NALCN: variants seen among roughly 807,000 people sequenced by gnomAD.
NALCN encodes the protein sodium leak channel, non-selective.
NALCN carries 111 observed loss-of-function variants against 225.3 expected under a neutral mutation model. The ratio of observed to expected loss-of-function variants is 0.49; its 90% confidence interval spans 0.42 to 0.58. NALCN has a LOEUF of 0.58. Among genes scored for constraint, NALCN ranks in the 20% least tolerant of loss-of-function variants. The pLI, the probability that NALCN is intolerant of heterozygous loss-of-function variation, is 0.00. For synonymous variants in NALCN, 764 were observed against 769.0 expected (o/e 0.99, Z 0.11); for missense variants, 1,378 against 2,202.4 (o/e 0.63, Z 7.49).
Position 101,292,965 on chromosome 13 carries a change from T to C in NALCN, c.800-599A>G, listed in dbSNP as rs997424082. ...AGAATTACCTCATAGAAAGTACTTC[T>C]AGTAATGGAAAGAAAGGAAAGCTAA... On this transcript the variant is annotated intron_variant, in intron 7 of 43. Coordinates refer to ENST00000251127, the MANE Select transcript of NALCN (RefSeq NM_052867.4). The surrounding 1 kb of genome is among the most constrained non-coding windows in gnomAD (Gnocchi z 4.3). 2.0e-5 allele frequency among the ~76,000 whole-genome samples: 3 copies of C among 152,242 alleles called. No individual in the cohort carries two copies. Among genetic ancestry groups the C allele is most frequent in the South Asian group, 2.1e-4 (1 of 4,838 alleles).
At chr13:101,314,528 G>T (rs1349319745) in intron 7 of NALCN, among the ~76,000 whole-genome samples, 1 of 152,076 alleles carries the variant, frequency 6.6e-6, no homozygotes, top group Non-Finnish European at 1.5e-5. Flanking sequence ...TTCAGTCACT[G>T]TGAATTCTCT....
intron 11 of NALCN, among the ~76,000 whole-genome samples, chr13:101,249,050 A>G (rs1478863198): frequency 6.6e-6 from 1 of 152,094 alleles, no homozygotes; most frequent in Non-Finnish European, 1.5e-5. Flanking sequence ...TGTGCTGTGA[A>G]GTTTGGTCTA....
At chr13:101,209,199 A>C (rs2040433375) in intron 13 of NALCN, among the ~76,000 whole-genome samples, 1 of 151,972 alleles carries the variant, frequency 6.6e-6, no homozygotes, top group Non-Finnish European at 1.5e-5. Context: ...CCATCTCTCC[A>C]TTTTTCTTCA....
At chr13:101,350,621 T>C (rs1225666751) in intron 6 of NALCN, among the ~76,000 whole-genome samples, 2 of 152,208 alleles carry the variant, frequency 1.3e-5, no homozygotes, top group African/African-American at 4.8e-5. Context: ...GCGTCTATGA[T>C]AGTTAAATTT....
At chr13:101,111,274 G>C in intron 18 of NALCN, 48 bp from the exon 19 acceptor site, 1 of 1,497,348 alleles carries the variant, frequency 6.7e-7, no homozygotes, top group Non-Finnish European at 9.1e-7. Context: ...TTGTACACTT[G>C]AGATGAATAA....
chr13:101,267,076 C>A (rs576331823), intron 10 of NALCN, among the ~76,000 whole-genome samples: 12 of 152,270 alleles, frequency 7.9e-5, no homozygotes, highest in African/African-American at 2.6e-4. Context: ...TCAGTGGACA[C>A]CCTGCCAGCT....
intron 1 of NALCN, among the ~76,000 whole-genome samples, chr13:101,400,585 G>A (rs1185313102): frequency 5.0e-5 from 6 of 120,366 alleles, no homozygotes; most frequent in Non-Finnish European, 6.3e-5. Flanking sequence ...GTGTGTGCAC[G>A]TGTGTGCGCG....
Position 101,237,932 on chromosome 13 carries a change from C to A in NALCN, c.1267-10G>T, listed in dbSNP as rs759473658. ...GTACTGTAAAAGCCACCTAGAGAAACAAAGAAACATTGAAATTGAAATTCA... is the reference window on the plus strand; with the variant it reads ...GTACTGTAAAAGCCACCTAGAGAAAAAAAGAAACATTGAAATTGAAATTCA... On this transcript the variant is annotated splice_polypyrimidine_tract_variant and intron_variant, in intron 11 of 43. Transcript: ENST00000251127. 4 of 1,583,230 alleles carry A rather than the reference C, an allele frequency of 2.5e-6. No individual in the cohort carries two copies. The South Asian group carries it at 4.7e-5, about 19-fold the overall frequency.
At chr13:101,262,352 C>G (rs2042455915) in intron 10 of NALCN, among the ~76,000 whole-genome samples, 1 of 152,146 alleles carries the variant, frequency 6.6e-6, no homozygotes, top group African/African-American at 2.4e-5. Context: ...CATTCTGGGG[C>G]CCGCTGCCCA....
rs1458870590 is a variant in NALCN at position 101,178,037 on chromosome 13, G to T, written c.1765-1663C>A. 2.0e-5 allele frequency among the ~76,000 whole-genome samples: 3 copies of T among 150,328 alleles called. No homozygotes were observed. The South Asian group carries it at 6.2e-4, about 31-fold the overall frequency. On this transcript the variant is annotated intron_variant, in intron 14 of 43. Coordinates refer to ENST00000251127, the MANE Select transcript of NALCN (RefSeq NM_052867.4). ...GGTTTTTATTAACATCACCATGACT[G>T]GTACACCACTGGTAACTGGGCATCA...
intron 17 of NALCN, among the ~76,000 whole-genome samples, chr13:101,136,730 G>T (rs1176506114): frequency 6.6e-6 from 1 of 152,086 alleles, no homozygotes; most frequent in African/African-American, 2.4e-5. Context: ...TTGGTTCCAG[G>T]TCTTTGCTAT....
intron 30 of NALCN, among the ~76,000 whole-genome samples, chr13:101,085,532 A>G (rs566493850): frequency 6.6e-6 from 1 of 152,168 alleles, no homozygotes; most frequent in African/African-American, 2.4e-5. Flanking sequence ...ATTTTTAAAT[A>G]CCTAGAAGAG....
chr13:101,345,210 A>C (rs1298935865), intron 7 of NALCN, 56 bp downstream of exon 7: 3 of 1,539,926 alleles, frequency 1.9e-6, no homozygotes, highest in Non-Finnish European at 2.7e-6. Flanking sequence ...TATTCTGTCC[A>C]CTTCATAAAC....
intron 6 of NALCN, among the ~76,000 whole-genome samples, chr13:101,359,281 C>T (rs1362684629): frequency 6.6e-6 from 1 of 152,116 alleles, no homozygotes; most frequent in Non-Finnish European, 1.5e-5. Flanking sequence ...GCATTTATTA[C>T]CCAGAAAGTT....
At chr13:101,176,416 T>A in intron 14 of NALCN, 42 bp from the exon 15 acceptor site, 1 of 1,452,016 alleles carries the variant, frequency 6.9e-7, no homozygotes, top group Non-Finnish European at 9.4e-7. Flanking sequence ...CCACATGCCA[T>A]AAGTATCAAA....
rs577429162 is a variant in NALCN, at chr13:101,055,053, G to T, written c.*242C>A. 1 of 479,956 alleles carries T rather than the reference G, an allele frequency of 2.1e-6. No individual in the cohort carries two copies. The highest frequency in any genetic ancestry group is 3.7e-6 in the Non-Finnish European group (1 of 272,026). 29.7% of individuals were successfully genotyped at this position (479,956 alleles called of 1,614,324 possible). A position where few individuals can be genotyped will look rare whatever the true frequency, so the allele number is the denominator to read the frequency against. On this transcript the variant is annotated 3_prime_UTR_variant, in exon 44 of 44. Coordinates refer to ENST00000251127, the MANE Select transcript of NALCN (RefSeq NM_052867.4). ...TTTTAAGTGATATACATTTGCTTGCGGTATCATTTCTAATATTATCAGTAC... is the reference window on the plus strand; with the variant it reads ...TTTTAAGTGATATACATTTGCTTGCTGTATCATTTCTAATATTATCAGTAC...
rs752673129 is a variant in NALCN, at chr13:101,144,782, C to G, written c.1954G>C (p.Asp652His). ...QMVKISKLPS[D>H]FTVPKIRESF... ...TACCTGATTTTAGGAACTGTAAAATCTGAAGGAAGCTTTGAGATTTTCACC... is the reference window on the plus strand; with the variant it reads ...TACCTGATTTTAGGAACTGTAAAATGTGAAGGAAGCTTTGAGATTTTCACC... The change falls in exon 16 of 44, where the codon GAT (aspartate) becomes CAT (histidine). Residue 652 changes from aspartate to histidine, a missense_variant. Physicochemically the swap from Asp to His is moderately conservative, Grantham distance 81. Coordinates refer to ENST00000251127, the MANE Select transcript of NALCN (RefSeq NM_052867.4). 4 of 1,608,860 alleles carry G rather than the reference C, an allele frequency of 2.5e-6. No homozygotes were observed. The highest frequency in any genetic ancestry group is 3.4e-6 in the Non-Finnish European group (4 of 1,177,808).
In NALCN at chr13:101,267,677, T is replaced by C. The variant is rs367781831; in HGVS notation, c.1135-9103A>G. On this transcript the variant is annotated intron_variant, in intron 10 of 43. Coordinates refer to ENST00000251127, the MANE Select transcript of NALCN (RefSeq NM_052867.4). ...GCCATGGGCCCTGCCATTCTCTTCA[T>C]TCCAATTAATGGCGAGCCACACCCA... Among the ~76,000 whole-genome samples the C allele has an allele frequency of 7.0e-3, 1,068 of 152,322 alleles. 10 individuals are homozygous for C. The highest frequency in any genetic ancestry group is 0.018 in the African/African-American group (731 of 41,574).
At chr13:101,322,799 G>A (rs937794048) in intron 7 of NALCN, among the ~76,000 whole-genome samples, 5 of 151,862 alleles carry the variant, frequency 3.3e-5, no homozygotes, top group African/African-American at 9.7e-5. Context: ...TGCAACCTCT[G>A]CCTCCCGGGT....
Sources: gnomAD v4.1 joint callset for allele counts (sites outside exome capture counted in the v4.1 genomes callset) on GRCh38, gnomAD v4.1.1 for gene constraint, Gnocchi (gnomAD v3.1) non-coding constraint, MANE v1.5 for transcripts, NCBI Gene and HGNC (gene_info 2026-07-23, HGNC 2026-07-21) for gene names.